The following CELF2 variants were observed in gnomAD, a reference collection of about 807,000 sequenced individuals.
CELF2 encodes CUG triplet repeat RNA-binding protein 2.
A neutral mutation model predicts 62.6 loss-of-function variants in CELF2; 8 were observed. The observed-to-expected ratio is 0.13, with a 90% CI of 0.07 to 0.23. The LOEUF is 0.23. Ranked by LOEUF, CELF2 falls within the 10% of genes least tolerant of loss-of-function variation. The pLI, the probability that CELF2 is intolerant of heterozygous loss-of-function variation, is 1.00. For synonymous variants in CELF2, 258 were observed against 250.0 expected, an observed-to-expected ratio of 1.03 and a Z score of -0.30; for missense variants, 333 against 671.0, an observed-to-expected ratio of 0.50 and a Z score of 5.56.
the CELF2 span, among the ~76,000 whole-genome samples, chr10:10,599,726 T>TTTC: frequency 6.6e-4 from 43 of 64,976 alleles, no homozygotes; most frequent in African/African-American, 1.8e-3. Flanking sequence ...TCTTTCTTTC[T>TTTC]TTTTTTTTTT....
intron 4 of CELF2, among the ~76,000 whole-genome samples, chr10:11,256,569 GCTT>G (rs201344010): frequency 0.074 from 10,832 of 145,520 alleles, 483 homozygotes; most frequent in Non-Finnish European, 0.11. Flanking sequence ...CAGCTGGCTA[GCTT>G]CTTTTTTTTT....
the CELF2 span, among the ~76,000 whole-genome samples, chr10:10,790,204 C>T: frequency 6.6e-6 from 1 of 151,816 alleles, no homozygotes; most frequent in Non-Finnish European, 1.5e-5. Flanking sequence ...TTTTTAAAAT[C>T]GTCTATTAGT....
In CELF2 at chr10:11,033,902, T is replaced by A. The variant is rs79010837; in HGVS notation, c.74+15739T>A. ...TTATTGTTGGACTGAACTGATTAGT[T>A]GTTTTGTTGTCACTTGGAAACAACC... On this transcript the variant is annotated intron_variant, in intron 1 of 12. Coordinates refer to ENST00000633077, the MANE Select transcript of CELF2 (RefSeq NM_001326342.2). 6.7e-3 allele frequency among the ~76,000 whole-genome samples: 1,021 copies of A among 152,346 alleles called. 15 individuals are homozygous for A. Among genetic ancestry groups the A allele is most frequent in the African/African-American group, 0.024 (977 of 41,574 alleles).
intron 1 of CELF2, among the ~76,000 whole-genome samples, chr10:10,900,925 A>G (rs1418983205): frequency 1.3e-5 from 2 of 152,240 alleles, no homozygotes; most frequent in Non-Finnish European, 1.5e-5. Context: ...ATTTCTGTAC[A>G]CTGTACCTGT....
At chr10:10,820,350 C>T (rs2056855241) in intron 1 of CELF2, among the ~76,000 whole-genome samples, 2 of 152,200 alleles carry the variant, frequency 1.3e-5, no homozygotes, top group South Asian at 2.1e-4. Flanking sequence ...ATTCATTGCT[C>T]CAACTCTCTG....
intron 1 of CELF2, among the ~76,000 whole-genome samples, chr10:10,827,208 A>G (rs1365529059): frequency 6.6e-6 from 1 of 152,120 alleles, no homozygotes. Flanking sequence ...GCATTTTACA[A>G]ATATTTGCAT....
At chr10:11,187,885 A>C (rs981365860) in intron 2 of CELF2, among the ~76,000 whole-genome samples, 1 of 152,214 alleles carries the variant, frequency 6.6e-6, no homozygotes. Context: ...TATTTCCATC[A>C]TAAGAAAACT....
chr10:10,743,435 T>A, the CELF2 span, among the ~76,000 whole-genome samples: 5 of 152,230 alleles, frequency 3.3e-5, no homozygotes. Context: ...TTTGAGAAAC[T>A]GAGAATAGCT....
At chr10:10,608,542 T>A in the CELF2 span, among the ~76,000 whole-genome samples, 1 of 152,218 alleles carries the variant, frequency 6.6e-6, no homozygotes, top group African/African-American at 2.4e-5. Flanking sequence ...TATTTTATCA[T>A]CTTTAATGGC....
chr10:10,686,310 TGG>T, the CELF2 span, among the ~76,000 whole-genome samples: 611 of 69,782 alleles, frequency 8.8e-3, 10 homozygotes, highest in African/African-American at 0.027. Flanking sequence ...TTGGATTTTT[TGG>T]GGGGGGGGGT....
the CELF2 span, among the ~76,000 whole-genome samples, chr10:10,552,104 T>C: frequency 6.6e-6 from 1 of 152,232 alleles, no homozygotes; most frequent in African/African-American, 2.4e-5. Context: ...GCGGTTGCCT[T>C]GTACCTCTGA....
At chr10:10,682,527 G>A in the CELF2 span, among the ~76,000 whole-genome samples, 1 of 152,210 alleles carries the variant, frequency 6.6e-6, no homozygotes, top group Non-Finnish European at 1.5e-5. Context: ...GACTGAAGGT[G>A]TTCCGTTTGA....
At chr10:10,925,985 C>G (rs2065423775) in intron 2 of CELF2, among the ~76,000 whole-genome samples, 1 of 152,196 alleles carries the variant, frequency 6.6e-6, no homozygotes, top group Admixed American at 6.5e-5. Context: ...CACTCATAGC[C>G]TGTGACTGAG....
the CELF2 span, among the ~76,000 whole-genome samples, chr10:10,748,656 G>C: frequency 6.8e-6 from 1 of 147,284 alleles, no homozygotes; most frequent in Admixed American, 6.9e-5. Flanking sequence ...GCTGAGACAG[G>C]AGAATAGCAT....
At chr10:10,991,670 T>G (rs1250377180) in intron 2 of CELF2, among the ~76,000 whole-genome samples, 4 of 152,164 alleles carry the variant, frequency 2.6e-5, no homozygotes, top group Non-Finnish European at 4.4e-5. Context: ...TTCATCAATT[T>G]CTCTAATGTT....
intron 1 of CELF2, among the ~76,000 whole-genome samples, chr10:10,880,444 A>AT (rs2061375250): frequency 6.6e-6 from 1 of 152,164 alleles, no homozygotes; most frequent in African/African-American, 2.4e-5. Flanking sequence ...ATCTGACCTC[A>AT]TTCCTTAGGA....
intron 1 of CELF2, among the ~76,000 whole-genome samples, chr10:11,103,825 A>G (rs750587525): frequency 6.6e-5 from 10 of 152,222 alleles, no homozygotes; most frequent in African/African-American, 9.7e-5. Context: ...TAGGTAGCCC[A>G]AAAGATTAAA....
At chr10:11,103,224 A>G (rs533895220) in intron 1 of CELF2, among the ~76,000 whole-genome samples, 6 of 152,034 alleles carry the variant, frequency 3.9e-5, no homozygotes, top group African/African-American at 1.4e-4. Flanking sequence ...AGCCAACCCC[A>G]CACCATGCTT....
intron 1 of CELF2, among the ~76,000 whole-genome samples, chr10:11,089,795 A>T (rs1363664702): frequency 6.6e-6 from 1 of 152,226 alleles, no homozygotes; most frequent in Non-Finnish European, 1.5e-5. Context: ...CATCAGTGCC[A>T]GGTTGGATAA....
Sources: allele counts gnomAD v4.1 joint callset (sites outside exome capture counted in the v4.1 genomes callset), GRCh38; gene constraint gnomAD v4.1.1; transcripts MANE v1.5; gene names NCBI Gene and HGNC (gene_info 2026-07-23, HGNC 2026-07-21).